PDE3A: variants seen among roughly 807,000 people sequenced by gnomAD.
PDE3A encodes the protein cGMP-inhibited 3',5'-cyclic phosphodiesterase 3A.
A neutral mutation model predicts 98.3 loss-of-function variants in PDE3A; 43 were observed. The ratio of observed to expected loss-of-function variants is 0.44; its 90% CI spans 0.34 to 0.56. The LOEUF (loss-of-function observed/expected upper bound fraction) is 0.56. PDE3A is among the 20% of genes least tolerant of loss of function. The probability of loss-of-function intolerance (pLI) is 0.01; values close to 1 mark genes in which losing one functional copy is unlikely to be tolerated. For missense variants in PDE3A, 1,427 were observed against 1,440.7 expected, an observed-to-expected ratio of 0.99 and a Z score of 0.15; for synonymous variants, 663 against 567.9, an observed-to-expected ratio of 1.17 and a Z score of -2.38.
At chr12:20,448,325 C>T (rs1200468693) in intron 1 of PDE3A, among the ~76,000 whole-genome samples, 1 of 152,090 alleles carries the variant, frequency 6.6e-6, no homozygotes, top group African/African-American at 2.4e-5. Flanking sequence ...CCTGTAATTC[C>T]AGCTACTCAG....
intron 1 of PDE3A, among the ~76,000 whole-genome samples, chr12:20,489,954 A>T (rs1945801349): frequency 6.6e-6 from 1 of 152,204 alleles, no homozygotes; most frequent in Admixed American, 6.5e-5. Flanking sequence ...ATTCATTAGT[A>T]AATCCTTGGT....
chr12:20,395,285 A>G (rs1943988620), intron 1 of PDE3A, among the ~76,000 whole-genome samples: 1 of 151,928 alleles, frequency 6.6e-6, no homozygotes, highest in African/African-American at 2.4e-5. Context: ...AAAGTATTAC[A>G]TGTTCAATAA....
chr12:20,652,170 G>C (rs10770684), intron 14 of PDE3A, among the ~76,000 whole-genome samples: 103,944 of 151,522 alleles, frequency 0.69, 35,891 homozygotes, highest in East Asian at 0.79. Context: ...GTCTATCATT[G>C]TTGGACATTT....
rs1268839314 is a variant in PDE3A, at chr12:20,369,775, T to C, written c.491T>C (p.Leu164Pro). 1.2e-6 allele frequency: 2 copies of C among 1,612,582 alleles called. No homozygotes were observed. The highest frequency in any genetic ancestry group is 1.7e-6 in the Non-Finnish European group (2 of 1,179,738). Reference protein sequence around the residue: ...GVRLPLAVALLAACCGGEALV... With the variant: ...GVRLPLAVALPAACCGGEALV... ...CGCCTGCCTCTGGCTGTCGCGCTGC[T>C]GGCCGCCTGCTGCGGGGGGGAAGCG... Residue 164 changes from leucine to proline, a missense_variant, in exon 1 of 16, where the codon CTG becomes CCG. This residue lies in a region of PDE3A where 1,012 missense variants were observed against 886.5 expected (regional missense o/e 1.14). Coordinates refer to ENST00000359062, the MANE Select transcript of PDE3A (RefSeq NM_000921.5).
In PDE3A at chr12:20,370,037, G is replaced by C. The variant is rs1256646469; in HGVS notation, c.753G>C (p.Leu251Phe). 3 of 1,612,836 alleles carry C rather than the reference G, an allele frequency of 1.9e-6. No individual in the cohort carries two copies. The highest frequency in any genetic ancestry group is 1.1e-5 in the South Asian group (1 of 91,078). ...TGGCCGGCGTGCTGGGGATCCTCTT[G>C]GCCAGGTACGTGGAACAAATCTTGC... is the stretch of plus-strand genomic sequence containing the variant. ...AYLAGVLGIL[L>F]ARYVEQILPQ... The change falls in exon 1 of 16, where the codon TTG becomes TTC. Residue 251 changes from leucine to phenylalanine, a missense_variant. By Grantham distance (22) the Leu-to-Phe change is conservative (BLOSUM62 0). Transcript: ENST00000359062.
At position 20,435,098 on chromosome 12, in the gene PDE3A, G is replaced by A. The variant is rs78117872; in HGVS notation, c.960+64854G>A. 7.5e-3 allele frequency among the ~76,000 whole-genome samples: 1,147 copies of A among 152,286 alleles called. 44 individuals are homozygous for A. The highest frequency in any genetic ancestry group is 0.061 in the Admixed American group (934 of 15,284). On this transcript the variant is annotated intron_variant, in intron 1 of 15. Coordinates refer to ENST00000359062, the MANE Select transcript of PDE3A (RefSeq NM_000921.5). The stretch of plus-strand genomic sequence containing the variant: ...AGTAAGCATTTTCCTGAGTGCTGGA[G>A]CACAGCAGCCAATGAAGCAGAAATG...
intron 15 of PDE3A, among the ~76,000 whole-genome samples, chr12:20,670,521 G>A (rs1471384367): frequency 2.0e-5 from 3 of 152,262 alleles, no homozygotes; most frequent in Non-Finnish European, 2.9e-5. Context: ...GTGCAATCCA[G>A]CTAGAACTCA....
At chr12:20,473,217 A>C (rs2120975107) in intron 1 of PDE3A, among the ~76,000 whole-genome samples, 1 of 152,304 alleles carries the variant, frequency 6.6e-6, no homozygotes, top group Non-Finnish European at 1.5e-5. Flanking sequence ...ACATTGGTGC[A>C]TATTAGCCTC....
At chr12:20,418,895 C>G (rs557296768) in intron 1 of PDE3A, among the ~76,000 whole-genome samples, 1 of 152,156 alleles carries the variant, frequency 6.6e-6, no homozygotes, top group Non-Finnish European at 1.5e-5. Flanking sequence ...TACTTCTATG[C>G]TTCTTAATAT....
chr12:20,649,571 A>T (rs1944867404), intron 13 of PDE3A, among the ~76,000 whole-genome samples: 1 of 152,220 alleles, frequency 6.6e-6, no homozygotes. Context: ...CTCAAAAGTA[A>T]ATGCCCAAAT....
intron 2 of PDE3A, among the ~76,000 whole-genome samples, chr12:20,580,362 C>G (rs913042852): frequency 1.3e-5 from 2 of 152,058 alleles, no homozygotes. Context: ...TTTTAATGGT[C>G]TACTGTTGAC....
intron 1 of PDE3A, among the ~76,000 whole-genome samples, chr12:20,423,847 G>C (rs967733581): frequency 6.6e-6 from 1 of 152,058 alleles, no homozygotes; most frequent in Admixed American, 6.6e-5. Flanking sequence ...CCCAAGGTAA[G>C]GCTACAGGTA....
At chr12:20,675,353 T>C (rs1454681662) in intron 15 of PDE3A, among the ~76,000 whole-genome samples, 4 of 152,224 alleles carry the variant, frequency 2.6e-5, no homozygotes, top group African/African-American at 7.2e-5. Context: ...TCCTGGAGAA[T>C]AGTTCCATGT....
At chr12:20,423,965 G>A (rs145679484) in intron 1 of PDE3A, among the ~76,000 whole-genome samples, 10 of 152,272 alleles carry the variant, frequency 6.6e-5, no homozygotes, top group African/African-American at 2.4e-4. Flanking sequence ...AATAACTAGG[G>A]TGTGAGTGGA....
intron 1 of PDE3A, among the ~76,000 whole-genome samples, chr12:20,532,719 C>T (rs1229646516): frequency 2.7e-5 from 4 of 146,964 alleles, no homozygotes; most frequent in South Asian, 2.1e-4. Flanking sequence ...GACGGAGTCT[C>T]GCTCTGTCAC....
chr12:20,670,513 G>A (rs1378141333), intron 15 of PDE3A, among the ~76,000 whole-genome samples: 1 of 152,170 alleles, frequency 6.6e-6, no homozygotes, highest in South Asian at 2.1e-4. Flanking sequence ...AGACCACAGT[G>A]CAATCCAGCT....
chr12:20,416,640 A>G (rs1463511896), intron 1 of PDE3A, among the ~76,000 whole-genome samples: 1 of 152,232 alleles, frequency 6.6e-6, no homozygotes, highest in Non-Finnish European at 1.5e-5. Flanking sequence ...TGTGTATTTC[A>G]GTTGCATCTT....
At chr12:20,453,209 T>C (rs1945097913) in intron 1 of PDE3A, among the ~76,000 whole-genome samples, 1 of 143,898 alleles carries the variant, frequency 6.9e-6, no homozygotes, top group Non-Finnish European at 1.5e-5. Flanking sequence ...AGTCCCACTG[T>C]GTCGCCCAGG....
chr12:20,627,158 A>AAAC (rs1555102782), intron 5 of PDE3A, among the ~76,000 whole-genome samples: 2 of 151,458 alleles, frequency 1.3e-5, no homozygotes, highest in African/African-American at 4.9e-5. Context: ...AAAAAAAAAA[A>AAAC]AAAAAACTGT....
Sources: allele counts gnomAD v4.1 joint callset (sites outside exome capture counted in the v4.1 genomes callset), GRCh38; gene constraint gnomAD v4.1.1; regional missense constraint gnomAD v4.1.1; transcripts MANE v1.5; gene names NCBI Gene and HGNC (gene_info 2026-07-23, HGNC 2026-07-21).